TCERG1L: variants seen among roughly 807,000 people sequenced by gnomAD.
The protein encoded by TCERG1L is transcription elongation regulator 1 like, also known as transcription elongation regulator 1-like protein.
TCERG1L carries 37 observed loss-of-function variants against 56.3 expected under a neutral mutation model. The observed-to-expected ratio is 0.66, with a 90% CI of 0.51 to 0.87. TCERG1L has a LOEUF of 0.87. TCERG1L is among the 40% of genes least tolerant of loss of function. TCERG1L has a pLI of 0.00. For synonymous variants in TCERG1L, 324 were observed against 326.3 expected, an observed-to-expected ratio of 0.99 and a Z score of 0.08; for missense variants, 799 against 774.2, an observed-to-expected ratio of 1.03 and a Z score of -0.38.
chr10:131,139,183 G>A (rs1192768065), intron 7 of TCERG1L, among the ~76,000 whole-genome samples: 2 of 152,206 alleles, frequency 1.3e-5, no homozygotes, highest in African/African-American at 2.4e-5. Context: ...GAGAAGATTC[G>A]GCAGTACCTG....
chr10:131,170,249 G>A (rs1027666934), intron 4 of TCERG1L, among the ~76,000 whole-genome samples: 5 of 152,088 alleles, frequency 3.3e-5, no homozygotes, highest in South Asian at 2.1e-4. Flanking sequence ...ACGGCTCTCC[G>A]GGGGCCACTT....
chr10:131,272,134 A>C (rs889491145), intron 3 of TCERG1L, among the ~76,000 whole-genome samples: 2 of 152,194 alleles, frequency 1.3e-5, no homozygotes, highest in African/African-American at 4.8e-5. Flanking sequence ...CGTCAACAGC[A>C]CAGGTCCTTC....
intron 8 of TCERG1L, among the ~76,000 whole-genome samples, chr10:131,132,031 G>T (rs77056545): frequency 1.3e-5 from 2 of 152,196 alleles, no homozygotes; most frequent in South Asian, 4.1e-4. Flanking sequence ...TGTTGATGCT[G>T]ATGGTTCACC....
At chr10:131,139,790 TTGTG>T (rs1359916356) in intron 7 of TCERG1L, among the ~76,000 whole-genome samples, 1 of 138,376 alleles carries the variant, frequency 7.2e-6, no homozygotes, top group African/African-American at 2.6e-5. Flanking sequence ...CTGTGTGTGC[TTGTG>T]TGTCTGTGTG....
At chr10:131,161,108 C>T (rs964149433) in intron 6 of TCERG1L, 3 of 152,218 alleles carry the variant, frequency 2.0e-5, no homozygotes, top group African/African-American at 7.2e-5. Flanking sequence ...TGACATTTCT[C>T]TCAACCATGG....
At position 131,165,989 on chromosome 10, in the gene TCERG1L, G is replaced by A. The variant is rs1012523707; in HGVS notation, c.945+808C>T. Among the ~76,000 whole-genome samples the A allele has an allele frequency of 2.0e-5, 3 of 152,212 alleles. No individual in the cohort carries two copies. In the South Asian group the frequency reaches 6.2e-4, roughly 31 times the overall value. ...TCATTCTGGCCTGGATGTTAATCTG[G>A]AAAAATTGGGAAAATCATATCTCAG... On this transcript the variant is annotated intron_variant, in intron 5 of 11. Coordinates refer to ENST00000368642, the MANE Select transcript of TCERG1L (RefSeq NM_174937.4).
chr10:131,159,309 T>A (rs552452676), intron 6 of TCERG1L, among the ~76,000 whole-genome samples: 4 of 152,276 alleles, frequency 2.6e-5, no homozygotes, highest in Non-Finnish European at 5.9e-5. Context: ...GGAGGTCGTC[T>A]ATTTGGGCAG....
intron 4 of TCERG1L, among the ~76,000 whole-genome samples, chr10:131,248,190 ACACACACTACTCACACACAACTCTCT>A (rs1170829512): frequency 1.4e-5 from 2 of 145,584 alleles, no homozygotes; most frequent in Admixed American, 1.4e-4. Context: ...ACACACACAA[ACACACACTACTCACACACAACTCTCT>A]CACACACAAC....
At chr10:131,195,368 T>C (rs1004983861) in intron 4 of TCERG1L, among the ~76,000 whole-genome samples, 6 of 152,158 alleles carry the variant, frequency 3.9e-5, no homozygotes, top group Non-Finnish European at 8.8e-5. Flanking sequence ...GGTTTCCCCA[T>C]CTGAGAGGCT....
chr10:131,267,186 C>A lies in TCERG1L; in HGVS notation c.671-6742G>T, dbSNP rs1485674783. 1.3e-5 allele frequency among the ~76,000 whole-genome samples: 2 copies of A among 152,192 alleles called. No homozygotes were observed. Among genetic ancestry groups the A allele is most frequent in the African/African-American group, 4.8e-5 (2 of 41,452 alleles). On this transcript the variant is annotated intron_variant, in intron 3 of 11. Transcript: ENST00000368642. This position sits in a 1 kb window ranked among gnomAD's most constrained non-coding sequence, Gnocchi z 4.9. ...GTTGCCACCAGCCCCGTCTCAGCCT[C>A]CCACCTGCGCTCATTGGTGCCCAAA...
intron 3 of TCERG1L, among the ~76,000 whole-genome samples, chr10:131,271,162 GCCTCCAGAAC>G (rs1846336790): frequency 6.6e-6 from 1 of 152,126 alleles, no homozygotes. Flanking sequence ...TCCAGAACCT[GCCTCCAGAAC>G]CTGGCACCCA....
chr10:131,307,577 T>A (rs535581185), intron 3 of TCERG1L, among the ~76,000 whole-genome samples: 1 of 152,302 alleles, frequency 6.6e-6, no homozygotes, highest in African/African-American at 2.4e-5. Context: ...TAAGGTGATT[T>A]TAAAAATCAA....
chr10:131,298,231 T>A (rs1480752902), intron 3 of TCERG1L, among the ~76,000 whole-genome samples: 1 of 152,074 alleles, frequency 6.6e-6, no homozygotes, highest in Non-Finnish European at 1.5e-5. Context: ...TGATATTGAT[T>A]TTGATTTTCT....
intron 8 of TCERG1L, among the ~76,000 whole-genome samples, chr10:131,122,485 C>A (rs763605315): frequency 9.9e-5 from 15 of 152,212 alleles, no homozygotes; most frequent in Non-Finnish European, 2.2e-4. Context: ...CCCAATAAAA[C>A]CCTTGAACAG....
At chr10:131,293,205 C>A (rs2133575584) in intron 3 of TCERG1L, among the ~76,000 whole-genome samples, 1 of 152,220 alleles carries the variant, frequency 6.6e-6, no homozygotes, top group Middle Eastern at 3.4e-3. Flanking sequence ...TCATATGCTT[C>A]CCCATGTTTT....
At chr10:131,294,585 C>T (rs143600660) in intron 3 of TCERG1L, among the ~76,000 whole-genome samples, 23 of 152,306 alleles carry the variant, frequency 1.5e-4, no homozygotes, top group Admixed American at 8.5e-4. Flanking sequence ...CTAGCTCCCA[C>T]GCCAGGATTA....
chr10:131,248,807 G>A (rs902223148), intron 4 of TCERG1L, among the ~76,000 whole-genome samples: 40 of 152,148 alleles, frequency 2.6e-4, no homozygotes, highest in African/African-American at 9.2e-4. Flanking sequence ...TGTCATGCCC[G>A]GCAGAGGCTC....
At chr10:131,298,567 C>T (rs1038267967) in intron 3 of TCERG1L, among the ~76,000 whole-genome samples, 1 of 152,146 alleles carries the variant, frequency 6.6e-6, no homozygotes, top group African/African-American at 2.4e-5. Context: ...GCACATGCCA[C>T]CACACCCGGC....
At chr10:131,291,459 C>CTG (rs1220799837) in intron 3 of TCERG1L, among the ~76,000 whole-genome samples, 1 of 85,962 alleles carries the variant, frequency 1.2e-5, no homozygotes, top group East Asian at 4.3e-4. Flanking sequence ...CGGAGTCTCG[C>CTG]TGTGTCTCCC....
Sources: allele counts gnomAD v4.1 joint callset (sites outside exome capture counted in the v4.1 genomes callset), GRCh38; gene constraint gnomAD v4.1.1; non-coding constraint Gnocchi (gnomAD v3.1); transcripts MANE v1.5; gene names NCBI Gene and HGNC (gene_info 2026-07-23, HGNC 2026-07-21).